The following PWWP2B variants were observed in gnomAD, a reference collection of about 807,000 sequenced individuals.
PWWP2B encodes PWWP domain-containing protein 2B.
PWWP2B carries 9 observed loss-of-function variants against 15.5 expected under a neutral mutation model. The ratio of observed to expected loss-of-function variants is 0.58; its 90% CI spans 0.35 to 1.02. The LOEUF is 1.02. Among genes scored for constraint, PWWP2B ranks in the 50% least tolerant of loss-of-function variants. The probability of loss-of-function intolerance (pLI) is 0.02; values close to 1 mark genes in which losing one functional copy is unlikely to be tolerated. For missense variants in PWWP2B, 864 were observed against 865.3 expected, an observed-to-expected ratio of 1.00 and a Z score of 0.02; for synonymous variants, 474 against 403.6, an observed-to-expected ratio of 1.17 and a Z score of -2.09.
chr10:132,408,397 C>T (rs2069730633), intron 2 of PWWP2B, among the ~76,000 whole-genome samples: 2 of 152,196 alleles, frequency 1.3e-5, no homozygotes. Flanking sequence ...GGGTACCTGC[C>T]TTTCCTGGGA....
intron 1 of PWWP2B, among the ~76,000 whole-genome samples, chr10:132,402,147 G>A (rs1282308030): frequency 3.3e-5 from 5 of 152,242 alleles, no homozygotes; most frequent in Non-Finnish European, 7.3e-5. Flanking sequence ...CATTTGATCT[G>A]CCTGGGAAGG....
chr10:132,404,827 G>A lies in PWWP2B; in HGVS notation c.327G>A (p.Leu109=). 17 of 1,544,902 alleles carry A rather than the reference G, an allele frequency of 1.1e-5. No homozygotes were observed. Among genetic ancestry groups the A allele is most frequent in the Non-Finnish European group, 1.4e-5 (16 of 1,148,756 alleles). ...PEPPPPLVPP[L]PAGSLPPYPP... The stretch of plus-strand genomic sequence containing the variant: ...CACCCCCGCCCCTCGTGCCGCCGCT[G>A]CCCGCCGGAAGCCTGCCCCCGTACC... The change falls in exon 2 of 3, where the codon CTG becomes CTA. Residue 109 remains leucine, a synonymous_variant. Transcript: ENST00000305233.
chr10:132,406,427 C>A, intron 2 of PWWP2B, 138 bp downstream of exon 2: 2 of 709,980 alleles, frequency 2.8e-6, no homozygotes, highest in Admixed American at 6.0e-5. Flanking sequence ...GGGGCCCCAG[C>A]CGTCTGGAAA....
At chr10:132,413,871 G>A (rs925974303) in intron 2 of PWWP2B, among the ~76,000 whole-genome samples, 3 of 152,250 alleles carry the variant, frequency 2.0e-5, no homozygotes, top group African/African-American at 7.2e-5. Flanking sequence ...CCCAGGCAGG[G>A]AGGTGCTGGT....
In PWWP2B at chr10:132,405,925, G is replaced by A; in HGVS notation, c.1425G>A (p.Gln475=). The A allele has an allele frequency of 6.2e-7, 1 of 1,613,136 alleles. No individual in the cohort carries two copies. ...VPPLTVRLHT[Q]SVSECITEDG... ...CCCTGACGGTCAGGCTGCACACACA[G>A]AGCGTGTCGGAGTGCATCACGGAGG... is the stretch of plus-strand genomic sequence containing the variant. Residue 475 remains glutamine, a synonymous_variant, in exon 2 of 3, where the codon CAG becomes CAA. Coordinates refer to ENST00000305233, the MANE Select transcript of PWWP2B (RefSeq NM_138499.4).
At chr10:132,398,383 C>T (rs1590753726) in intron 1 of PWWP2B, among the ~76,000 whole-genome samples, 1 of 152,216 alleles carries the variant, frequency 6.6e-6, no homozygotes, top group Admixed American at 6.5e-5. Flanking sequence ...TGGGAGTGCA[C>T]GGGCAGGATG....
chr10:132,401,263 G>T (rs1193911987), intron 1 of PWWP2B, among the ~76,000 whole-genome samples: 4 of 152,234 alleles, frequency 2.6e-5, no homozygotes, highest in Non-Finnish European at 5.9e-5. Context: ...GAGACTCCAG[G>T]GCGTCTCACC....
intron 2 of PWWP2B, among the ~76,000 whole-genome samples, chr10:132,415,191 G>T (rs1371767191): frequency 1.3e-5 from 2 of 151,690 alleles, no homozygotes; most frequent in African/African-American, 2.4e-5. Context: ...CCTGTTCACT[G>T]CCACACATCC....
chr10:132,398,286 G>A (rs1006078577), intron 1 of PWWP2B, among the ~76,000 whole-genome samples: 1 of 152,234 alleles, frequency 6.6e-6, no homozygotes, highest in Admixed American at 6.5e-5. Context: ...CTCTTCATTA[G>A]ATGTGCCAGA....
chr10:132,417,383 G>C lies in PWWP2B; in HGVS notation c.*339G>C. On this transcript the variant is annotated 3_prime_UTR_variant, in exon 3 of 3. Coordinates refer to ENST00000305233, the MANE Select transcript of PWWP2B (RefSeq NM_138499.4). ...TGGAGGAACTGGGCCTGCCGCCCCG[G>C]CCTCACCTGCTGCCCGCATGCTGGG... The C allele has an allele frequency of 2.2e-6, 1 of 457,250 alleles. No homozygotes were observed. The highest frequency in any genetic ancestry group is 3.9e-6 in the Non-Finnish European group (1 of 254,364). The allele number at this position is 457,250 out of a possible 1,614,324, so 28.3% of individuals were successfully genotyped here.
chr10:132,404,904 C>T lies in PWWP2B; in HGVS notation c.404C>T (p.Thr135Met). Residue 135 changes from threonine (T) to methionine (M), a missense_variant, in exon 2 of 3, where the codon ACG becomes ATG. Thr to Met is a moderately conservative substitution (Grantham distance 81). Transcript: ENST00000305233. ...PFPHPLWLRD[T>M]YKLWVPQPPP... is the part of the protein sequence containing the mutation. ...CCTCACCCGCTGTGGCTCCGGGACA[C>T]GTACAAGCTGTGGGTGCCCCAGCCG... is the stretch of plus-strand genomic sequence containing the variant. The T allele has an allele frequency of 3.1e-6, 5 of 1,595,572 alleles. No individual in the cohort carries two copies. Among genetic ancestry groups the T allele is most frequent in the Non-Finnish European group, 4.2e-6 (5 of 1,178,524 alleles).
In PWWP2B at chr10:132,405,549, G is replaced by A. The variant is rs767498318; in HGVS notation, c.1049G>A (p.Arg350Gln). 10 of 1,605,094 alleles carry A rather than the reference G, an allele frequency of 6.2e-6. No homozygotes were observed. Among genetic ancestry groups the A allele is most frequent in the Middle Eastern group, 1.6e-4 (1 of 6,080 alleles). ...GACAGCGAGCACGAGCCCGTGTACC[G>A]GGCCGAGCTGGTGGGGGAGCTGAAC... ...LGDSEHEPVY[R>Q]AELVGELNGY... Residue 350 changes from arginine to glutamine, a missense_variant, in exon 2 of 3, where the codon CGG (arginine) becomes CAG (glutamine). Physicochemically the swap from Arg to Gln is conservative, Grantham distance 43. Coordinates refer to ENST00000305233, the MANE Select transcript of PWWP2B (RefSeq NM_138499.4).
rs752343837 is a variant in PWWP2B, at chr10:132,405,982, CTG to C, written c.1483_1484del (p.Trp495GlyfsTer2). ...GGACTGTGGCCGTGGGGGACATCGT[CTG>C]GGGTAAGATCCATGGTTTTCCTTGG... is the stretch of plus-strand genomic sequence containing the variant. ...GRTVAVGDIV[W>X]GKIHGFPWWP... On this transcript the variant is annotated frameshift_variant, in exon 2 of 3. Coordinates refer to ENST00000305233, the MANE Select transcript of PWWP2B (RefSeq NM_138499.4). LOFTEE classifies it low-confidence loss of function (END_TRUNC). 1.2e-6 allele frequency: 2 copies of C among 1,613,652 alleles called. No homozygotes were observed. Among genetic ancestry groups the C allele is most frequent in the South Asian group, 2.2e-5 (2 of 91,090 alleles).
At chr10:132,406,598 C>T (rs2069702326) in intron 2 of PWWP2B, among the ~76,000 whole-genome samples, 1 of 152,238 alleles carries the variant, frequency 6.6e-6, no homozygotes, top group Admixed American at 6.5e-5. Flanking sequence ...TGCTCTCAGT[C>T]GTTGTTTGGA....
chr10:132,417,038 GC>G, intron 2 of PWWP2B, 22 bp from the exon 3 acceptor site: 11 of 1,613,414 alleles, frequency 6.8e-6, no homozygotes, highest in Non-Finnish European at 9.3e-6. Context: ...TTAAATCTCT[GC>G]CCCTTTTTGC....
In PWWP2B at chr10:132,405,600, C is replaced by T. The variant is rs202110216; in HGVS notation, c.1100C>T (p.Ala367Val). Residue 367 changes from alanine to valine, a missense_variant, in exon 2 of 3, where the codon GCG becomes GTG. By Grantham distance (64) the Ala-to-Val change is moderately conservative. Around this residue, in one of 2 missense-constraint regions of PWWP2B, gnomAD observed 736 missense variants for 687.7 expected, o/e 1.07. Coordinates refer to ENST00000305233, the MANE Select transcript of PWWP2B (RefSeq NM_138499.4). ...LNGYLRDSSP[A>V]PCADGPAGGL... ...GGGTACCTGCGGGACAGCTCGCCGG[C>T]GCCCTGTGCGGACGGCCCTGCCGGT... is the stretch of plus-strand genomic sequence containing the variant. 1.2e-5 allele frequency: 20 copies of T among 1,611,062 alleles called. No individual in the cohort carries two copies. Among genetic ancestry groups the T allele is most frequent in the Admixed American group, 3.3e-5 (2 of 60,012 alleles).
chr10:132,411,423 C>T (rs558418632), intron 2 of PWWP2B, among the ~76,000 whole-genome samples: 2 of 152,388 alleles, frequency 1.3e-5, no homozygotes, highest in East Asian at 3.9e-4. Flanking sequence ...GTCTCATTCA[C>T]TCCACATCCC....
In PWWP2B at chr10:132,417,190, G is replaced by T; in HGVS notation, c.*146G>T. On this transcript the variant is annotated 3_prime_UTR_variant, in exon 3 of 3. Coordinates refer to ENST00000305233, the MANE Select transcript of PWWP2B (RefSeq NM_138499.4). ...TGGTCGGCCTGGTGTGAGGCCCCCC[G>T]GGGACCGGCAGTGTGTCCAGGGAGG... The T allele has an allele frequency of 1.6e-6, 2 of 1,217,830 alleles. No homozygotes were observed. The highest frequency in any genetic ancestry group is 2.4e-6 in the Non-Finnish European group (2 of 827,350). 75.4% of individuals were successfully genotyped at this position (1,217,830 alleles called of 1,614,324 possible).
intron 1 of PWWP2B, among the ~76,000 whole-genome samples, chr10:132,397,888 T>C (rs1483071006): frequency 6.6e-6 from 1 of 151,842 alleles, no homozygotes; most frequent in Non-Finnish European, 1.5e-5. Flanking sequence ...CCCTGAGTCA[T>C]GGGGGCGTGA....
Sources: allele counts gnomAD v4.1 joint callset (sites outside exome capture counted in the v4.1 genomes callset), GRCh38; gene constraint gnomAD v4.1.1; regional missense constraint gnomAD v4.1.1; transcripts MANE v1.5; gene names NCBI Gene and HGNC (gene_info 2026-07-23, HGNC 2026-07-21).